SEMA4D: variants seen among roughly 807,000 people sequenced by gnomAD.
The protein encoded by SEMA4D is semaphorin-4D.
Under a neutral mutation model 74.8 loss-of-function variants are expected in SEMA4D, and 22 were observed. That is an observed-to-expected ratio of 0.29 (90% confidence interval 0.21 to 0.42). The LOEUF is 0.42. Ranked by LOEUF, SEMA4D falls within the 10% of genes least tolerant of loss-of-function variation. The pLI, the probability that SEMA4D is intolerant of heterozygous loss-of-function variation, is 1.00. For synonymous variants in SEMA4D, 445 were observed against 463.7 expected, an observed-to-expected ratio of 0.96 and a Z score of 0.52; for missense variants, 937 against 1,118.4, an observed-to-expected ratio of 0.84 and a Z score of 2.31.
intron 1 of SEMA4D, among the ~76,000 whole-genome samples, chr9:89,467,718 G>C (rs1335899723): frequency 6.6e-6 from 1 of 152,150 alleles, no homozygotes; most frequent in Admixed American, 6.5e-5. Flanking sequence ...TTTTAGTAGA[G>C]ACAGGATTTC....
chr9:89,385,143 C>A (rs1369737784), intron 13 of SEMA4D: 1 of 885,746 alleles, frequency 1.1e-6, no homozygotes, highest in Non-Finnish European at 1.4e-6. Flanking sequence ...TGGGCACTGA[C>A]CCGTAACCCC....
intron 9 of SEMA4D, 82 bp downstream of exon 9, chr9:89,391,182 A>G (rs2133192461): frequency 1.5e-6 from 2 of 1,367,528 alleles, no homozygotes; most frequent in South Asian, 1.2e-5. Context: ...GACATTTGAG[A>G]CGAAGGTCAG....
At chr9:89,377,060 CAG>C, downstream of SEMA4D, 3 of 1,527,038 alleles carry the variant, frequency 2.0e-6, no homozygotes, top group Middle Eastern at 1.8e-4. Flanking sequence ...GGCTGTGAGA[CAG>C]AGAGGACAGA....
intron 2 of SEMA4D, among the ~76,000 whole-genome samples, chr9:89,432,496 T>C (rs982514488): frequency 5.3e-5 from 8 of 152,156 alleles, no homozygotes; most frequent in Non-Finnish European, 7.4e-5. Context: ...GCTGCATGGC[T>C]CTTCCTCCTC....
At chr9:89,415,872 T>C (rs1232894225) in intron 2 of SEMA4D, among the ~76,000 whole-genome samples, 1 of 152,134 alleles carries the variant, frequency 6.6e-6, no homozygotes, top group African/African-American at 2.4e-5. Context: ...TCGGTCACCA[T>C]TTACACTGGT....
At chr9:89,454,667 A>T (rs1480909346) in intron 2 of SEMA4D, among the ~76,000 whole-genome samples, 1 of 152,244 alleles carries the variant, frequency 6.6e-6, no homozygotes, top group Non-Finnish European at 1.5e-5. Flanking sequence ...AGAGTGTCAA[A>T]CCGCAGTGGG....
intron 18 of SEMA4D, among the ~76,000 whole-genome samples, chr9:89,363,193 C>T (rs1832986588): frequency 6.6e-6 from 1 of 152,248 alleles, no homozygotes; most frequent in Non-Finnish European, 1.5e-5. Context: ...GTCTCGCCTC[C>T]CTTCAGTCTC....
At chr9:89,396,938 A>G in intron 5 of SEMA4D, 103 bp from the exon 6 acceptor site, 3 of 1,033,802 alleles carry the variant, frequency 2.9e-6, no homozygotes, top group East Asian at 5.2e-5. Context: ...ACCCACATTC[A>G]CCAACACCAG....
chr9:89,361,595 CTCATTCCA>C (rs1421740016), exon 19 of SEMA4D: 1 of 152,212 alleles, frequency 6.6e-6, no homozygotes, highest in Non-Finnish European at 1.5e-5. Context: ...ACTCATGAGA[CTCATTCCA>C]TCGTCAAGAA....
intron 2 of SEMA4D, 33 bp from the exon 3 acceptor site, chr9:89,405,732 C>T: frequency 5.7e-6 from 8 of 1,393,504 alleles, no homozygotes; most frequent in Non-Finnish European, 7.4e-6. Flanking sequence ...AGGCAGGACC[C>T]ATGGTGAGTG....
intron 1 of SEMA4D, among the ~76,000 whole-genome samples, chr9:89,464,860 GA>G (rs1858270525): frequency 6.6e-6 from 1 of 152,246 alleles, no homozygotes; most frequent in Admixed American, 6.5e-5. Flanking sequence ...CCCCCAGGGC[GA>G]GGGTCCTGCT....
intron 1 of SEMA4D, among the ~76,000 whole-genome samples, chr9:89,461,700 C>CTCTCTCTTTTTTTTTTT (rs71281350): frequency 1.4e-4 from 14 of 103,660 alleles, no homozygotes; most frequent in East Asian, 7.3e-4. Flanking sequence ...TCTTTTTTCT[C>CTCTCTCTTTTTTTTTTT]TTTTTTTTTT....
intron 13 of SEMA4D, chr9:89,384,542 C>T (rs1837972826): frequency 1.9e-6 from 1 of 514,312 alleles, no homozygotes; most frequent in Non-Finnish European, 2.5e-6. Context: ...AGATGAAAAG[C>T]ACCCTGCAGA....
chr9:89,434,635 G>A (rs12553857), intron 2 of SEMA4D, among the ~76,000 whole-genome samples: 2,171 of 152,298 alleles, frequency 0.014, 24 homozygotes, highest in Non-Finnish European at 0.024. Context: ...GATCACCCTG[G>A]AAAATCCAGG....
intron 2 of SEMA4D, among the ~76,000 whole-genome samples, chr9:89,440,744 C>T (rs1370790693): frequency 3.3e-5 from 5 of 152,244 alleles, no homozygotes; most frequent in Non-Finnish European, 7.3e-5. Context: ...CTCCACCCTA[C>T]GGAACCCTTC....
At chr9:89,427,595 C>T (rs1848367427) in intron 2 of SEMA4D, among the ~76,000 whole-genome samples, 2 of 152,222 alleles carry the variant, frequency 1.3e-5, no homozygotes, top group South Asian at 4.1e-4. Context: ...TAAAAGGAAC[C>T]TGGTCCTATT....
At chr9:89,489,909 T>C (rs1825491287) in intron 1 of SEMA4D, among the ~76,000 whole-genome samples, 1 of 152,242 alleles carries the variant, frequency 6.6e-6, no homozygotes, top group Admixed American at 6.5e-5. Context: ...TATTTAACTT[T>C]TTGAGGAATC....
chr9:89,480,963 T>C (rs750442847), intron 1 of SEMA4D, among the ~76,000 whole-genome samples: 36 of 152,244 alleles, frequency 2.4e-4, no homozygotes, highest in Middle Eastern at 3.2e-3. Context: ...TGAGGACTGC[T>C]AGCACGCTGT....
At chr9:89,477,158 T>G (rs1037676566) in intron 1 of SEMA4D, among the ~76,000 whole-genome samples, 3 of 152,160 alleles carry the variant, frequency 2.0e-5, no homozygotes, top group Non-Finnish European at 4.4e-5. Context: ...AATGCAGACT[T>G]CCAGCATGCT....
Sources: allele counts gnomAD v4.1 joint callset (sites outside exome capture counted in the v4.1 genomes callset), GRCh38; gene constraint gnomAD v4.1.1; transcripts MANE v1.5; gene names NCBI Gene and HGNC (gene_info 2026-07-23, HGNC 2026-07-21).